Variants in PRUNE2 observed in about 807,000 individuals in gnomAD.
PRUNE2 encodes the protein prune homolog 2 with BCH domain.
Under a neutral mutation model 252.0 loss-of-function variants are expected in PRUNE2, and 164 were observed. The observed-to-expected ratio is 0.65, with a 90% confidence interval of 0.57 to 0.74. The LOEUF is 0.74. PRUNE2 is among the 30% of genes least tolerant of loss of function. The pLI, the probability that PRUNE2 is intolerant of heterozygous loss-of-function variation, is 0.00. For synonymous variants in PRUNE2, 1,292 were observed against 1,350.2 expected, an observed-to-expected ratio of 0.96 and a Z score of 0.94; for missense variants, 3,495 against 3,711.0, an observed-to-expected ratio of 0.94 and a Z score of 1.51.
intron 1 of PRUNE2, among the ~76,000 whole-genome samples, chr9:76,876,558 C>T (rs1039911692): frequency 2.6e-5 from 4 of 152,088 alleles, no homozygotes; most frequent in Non-Finnish European, 5.9e-5. Context: ...CTCGGGGCTC[C>T]TCCCTCCCAC....
intron 5 of PRUNE2, among the ~76,000 whole-genome samples, 171 bp from the exon 6 acceptor site, chr9:76,823,897 C>T (rs10869829): frequency 0.13 from 19,227 of 152,026 alleles, 1,329 homozygotes; most frequent in East Asian, 0.18. Flanking sequence ...AATCACATCA[C>T]GTCTGCATCA....
intron 1 of PRUNE2, among the ~76,000 whole-genome samples, chr9:76,879,668 C>A (rs962581417): frequency 1.3e-5 from 2 of 151,530 alleles, no homozygotes; most frequent in Non-Finnish European, 2.9e-5. Context: ...ACCAAAGAAG[C>A]CTCCTTGGAA....
At chr9:76,697,395 C>T (rs531795186) in intron 9 of PRUNE2, among the ~76,000 whole-genome samples, 5 of 152,268 alleles carry the variant, frequency 3.3e-5, no homozygotes, top group South Asian at 2.1e-4. Context: ...GGCTTTGATG[C>T]TCTCCCTTCC....
intron 4 of PRUNE2, among the ~76,000 whole-genome samples, chr9:76,839,768 G>C (rs2059278819): frequency 6.6e-6 from 1 of 152,206 alleles, no homozygotes; most frequent in Non-Finnish European, 1.5e-5. Flanking sequence ...ATGGAGGCTT[G>C]AACTGAGTCA....
At chr9:76,684,060 T>G (rs2043801188) in intron 9 of PRUNE2, among the ~76,000 whole-genome samples, 1 of 152,010 alleles carries the variant, frequency 6.6e-6, no homozygotes, top group African/African-American at 2.4e-5. Flanking sequence ...AATTGACAAA[T>G]CCATCACCTC....
intron 6 of PRUNE2, among the ~76,000 whole-genome samples, chr9:76,769,670 C>A (rs2052875514): frequency 6.6e-6 from 1 of 152,184 alleles, no homozygotes; most frequent in South Asian, 2.1e-4. Context: ...GGTGATCCGC[C>A]CGCCTCAGGC....
intron 6 of PRUNE2, among the ~76,000 whole-genome samples, chr9:76,808,430 A>G (rs926124513): frequency 6.6e-6 from 1 of 152,174 alleles, no homozygotes; most frequent in South Asian, 2.1e-4. Flanking sequence ...TGTCCTTCCC[A>G]TCTCTTTTGC....
chr9:76,735,069 C>T (rs1345466715), intron 6 of PRUNE2, among the ~76,000 whole-genome samples: 1 of 151,956 alleles, frequency 6.6e-6, no homozygotes, highest in East Asian at 1.9e-4. Flanking sequence ...TCCCTGAGGA[C>T]AAGGACAACA....
At chr9:76,767,089 T>C (rs980197220) in intron 6 of PRUNE2, among the ~76,000 whole-genome samples, 3 of 152,158 alleles carry the variant, frequency 2.0e-5, no homozygotes, top group African/African-American at 7.2e-5. Context: ...TGAATAAATA[T>C]CTGTTTAACA....
chr9:76,615,226 C>T, intron 18 of PRUNE2: 1 of 985,406 alleles, frequency 1.0e-6, no homozygotes, highest in Non-Finnish European at 1.2e-6. Context: ...TTAGTGAACA[C>T]AGCACAACTT....
intron 6 of PRUNE2, chr9:76,748,534 T>A (rs1286441604): frequency 2.0e-5 from 3 of 152,148 alleles, no homozygotes; most frequent in Non-Finnish European, 4.4e-5. Context: ...TTGGGGGTAA[T>A]AAAATGTTTT....
chr9:76,684,486 T>A (rs1373374760), intron 9 of PRUNE2, among the ~76,000 whole-genome samples: 2 of 152,194 alleles, frequency 1.3e-5, no homozygotes, highest in Non-Finnish European at 2.9e-5. Context: ...ACTTTCCCAA[T>A]GGTTGGGGTC....
chr9:76,671,731 G>C (rs546569239), intron 9 of PRUNE2, among the ~76,000 whole-genome samples: 1 of 151,278 alleles, frequency 6.6e-6, no homozygotes, highest in Non-Finnish European at 1.5e-5. Context: ...AGCCAGAAGA[G>C]AGTGGGGGCC....
intron 6 of PRUNE2, among the ~76,000 whole-genome samples, chr9:76,788,754 T>C (rs1417217154): frequency 6.6e-6 from 1 of 152,192 alleles, no homozygotes; most frequent in Non-Finnish European, 1.5e-5. Context: ...GAGAGACTCA[T>C]ATTTGCAAGT....
Position 76,868,278 on chromosome 9 carries a change from C to T in PRUNE2, c.37-14070G>A, listed in dbSNP as rs58556435. ...AAAATAACAAAGCTATGATACCATT[C>T]GAAACTCTTCCACCTGTCTTTTTCC... On this transcript the variant is annotated intron_variant, in intron 1 of 18. Transcript: ENST00000376718. Among the ~76,000 whole-genome samples the T allele has an allele frequency of 7.5e-3, 1,142 of 151,316 alleles. 11 individuals carry two copies. Among genetic ancestry groups the T allele is most frequent in the African/African-American group, 0.025 (1,028 of 41,212 alleles).
intron 16 of PRUNE2, chr9:76,625,113 A>G: frequency 8.5e-7 from 1 of 1,176,926 alleles, no homozygotes; most frequent in Non-Finnish European, 1.1e-6. Context: ...GATGGGAAAA[A>G]TGACAAGTAA....
chr9:76,894,759 C>T (rs1449312447), intron 1 of PRUNE2, among the ~76,000 whole-genome samples: 1 of 147,282 alleles, frequency 6.8e-6, no homozygotes, highest in African/African-American at 2.6e-5. Context: ...GTGGCTCACA[C>T]CTGTAATCCC....
At chr9:76,616,581 C>T (rs1251848422) in intron 18 of PRUNE2, among the ~76,000 whole-genome samples, 4 of 152,154 alleles carry the variant, frequency 2.6e-5, no homozygotes, top group East Asian at 1.9e-4. Context: ...GATTATTTTT[C>T]GTACTGACTT....
At chr9:76,888,521 G>A (rs1299855071) in intron 1 of PRUNE2, among the ~76,000 whole-genome samples, 1 of 151,806 alleles carries the variant, frequency 6.6e-6, no homozygotes, top group Middle Eastern at 3.2e-3. Context: ...AGGTTGCAGT[G>A]AGCCGAGGTC....
Sources: allele counts gnomAD v4.1 joint callset (sites outside exome capture counted in the v4.1 genomes callset), GRCh38; gene constraint gnomAD v4.1.1; transcripts MANE v1.5; gene names NCBI Gene and HGNC (gene_info 2026-07-23, HGNC 2026-07-21).